Variants in MAN1C1 observed in about 807,000 individuals in gnomAD.
The protein encoded by MAN1C1 is mannosidase alpha class 1C member 1.
A neutral mutation model predicts 71.5 loss-of-function variants in MAN1C1; 49 were observed. The observed-to-expected ratio is 0.69, with a 90% CI of 0.54 to 0.87. The LOEUF is 0.87. MAN1C1 is among the 40% of genes least tolerant of loss of function. The probability of loss-of-function intolerance (pLI) is 0.00; values close to 1 mark genes in which losing one functional copy is unlikely to be tolerated. For missense variants in MAN1C1, 743 were observed against 835.0 expected, an observed-to-expected ratio of 0.89 and a Z score of 1.36; for synonymous variants, 352 against 343.7, an observed-to-expected ratio of 1.02 and a Z score of -0.27.
chr1:25,771,234 CT>C (rs1309740675), intron 7 of MAN1C1, among the ~76,000 whole-genome samples: 1 of 152,252 alleles, frequency 6.6e-6, no homozygotes, highest in East Asian at 1.9e-4. Flanking sequence ...TTTTCTTCCT[CT>C]TTCCCGTGGC....
intron 1 of MAN1C1, among the ~76,000 whole-genome samples, chr1:25,635,276 G>A (rs868112077): frequency 1.4e-4 from 21 of 150,794 alleles, no homozygotes; most frequent in African/African-American, 4.4e-4. Flanking sequence ...AAGTTTTTTT[G>A]GGGGGGGTTA....
At chr1:25,619,158 C>T (rs1315405779) in intron 1 of MAN1C1, among the ~76,000 whole-genome samples, 2 of 152,172 alleles carry the variant, frequency 1.3e-5, no homozygotes, top group Non-Finnish European at 2.9e-5. Context: ...TTGCCACTGC[C>T]ACTAAATATT....
chr1:25,729,883 C>G (rs1053321715), intron 2 of MAN1C1, among the ~76,000 whole-genome samples: 8 of 152,128 alleles, frequency 5.3e-5, no homozygotes, highest in Admixed American at 2.0e-4. Context: ...TGCAGAGTGG[C>G]AAAGTCAAAT....
intron 2 of MAN1C1, among the ~76,000 whole-genome samples, chr1:25,741,245 G>T (rs2047060488): frequency 6.6e-6 from 1 of 152,152 alleles, no homozygotes; most frequent in Admixed American, 6.5e-5. Context: ...CTCCCAGAGT[G>T]CTGGGATTAC....
intron 2 of MAN1C1, among the ~76,000 whole-genome samples, chr1:25,716,248 A>C (rs2046679127): frequency 6.6e-6 from 1 of 152,172 alleles, no homozygotes; most frequent in African/African-American, 2.4e-5. Flanking sequence ...TTGAAGGAGA[A>C]TGGATATTAG....
At chr1:25,752,167 G>A (rs931462747) in intron 4 of MAN1C1, among the ~76,000 whole-genome samples, 4 of 151,890 alleles carry the variant, frequency 2.6e-5, no homozygotes, top group African/African-American at 4.8e-5. Flanking sequence ...AGGTTGGCAC[G>A]GCACTTCACA....
Position 25,764,039 on chromosome 1 carries a change from G to C in MAN1C1, c.1141+72G>C. 2 of 1,286,318 alleles carry C rather than the reference G, an allele frequency of 1.6e-6. No homozygotes were observed. Among genetic ancestry groups the C allele is most frequent in the Non-Finnish European group, 2.3e-6 (2 of 886,770 alleles). The allele number at this position is 1,286,318 out of a possible 1,614,324, so 79.7% of individuals were successfully genotyped here. A position where few individuals can be genotyped will look rare whatever the true frequency, so the allele number is the denominator to read the frequency against. ...AGGCTTCCTAGGAAGACCCTGCCAG[G>C]CCCCTGGGCTGAGTGAGGATGTGTC... On this transcript the variant is annotated intron_variant, in intron 7 of 11. Coordinates refer to ENST00000374332, the MANE Select transcript of MAN1C1 (RefSeq NM_020379.4). This position sits in a 1 kb window ranked among gnomAD's most constrained non-coding sequence, Gnocchi z 4.4.
chr1:25,751,406 A>G (rs1158582366), intron 4 of MAN1C1, among the ~76,000 whole-genome samples: 1 of 151,612 alleles, frequency 6.6e-6, no homozygotes, highest in East Asian at 2.0e-4. Flanking sequence ...CTTCAAGGGC[A>G]TCTGTGGTTC....
At chr1:25,712,344 G>A (rs910090618) in intron 2 of MAN1C1, among the ~76,000 whole-genome samples, 2 of 152,160 alleles carry the variant, frequency 1.3e-5, no homozygotes, top group African/African-American at 4.8e-5. Context: ...TAAAGCCCCT[G>A]GGGAAGCCCC....
rs1361501220 is a variant in MAN1C1, at chr1:25,679,952, TATATA to T, written c.541-6487_541-6483del. 2.8e-3 allele frequency among the ~76,000 whole-genome samples: 269 copies of T among 96,702 alleles called. 4 individuals carry two copies. The highest frequency in any genetic ancestry group is 9.8e-3 in the African/African-American group (258 of 26,390). 63.4% of individuals were successfully genotyped at this position (96,702 alleles called of 152,430 possible). ...ACCTCTGTCTCAAAAAAAAAAAAAA[TATATA>T]TATATATATATATATATATATACAC... On this transcript the variant is annotated intron_variant, in intron 1 of 11. Coordinates refer to ENST00000374332, the MANE Select transcript of MAN1C1 (RefSeq NM_020379.4).
chr1:25,764,804 T>G lies in MAN1C1; in HGVS notation c.1141+837T>G, dbSNP rs557235003. On this transcript the variant is annotated intron_variant, in intron 7 of 11. Transcript: ENST00000374332. This position sits in a 1 kb window ranked among gnomAD's most constrained non-coding sequence, Gnocchi z 4.4. ...AAATCATGAATTCAGGCCAAGCACC[T>G]GACGGGAGGCCGAGGCAGGCGGATC... 2.6e-5 allele frequency among the ~76,000 whole-genome samples: 4 copies of G among 151,894 alleles called. No homozygotes were observed. The highest frequency in any genetic ancestry group is 5.9e-5 in the Non-Finnish European group (4 of 67,970).
At chr1:25,708,076 A>C (rs2046550043) in intron 2 of MAN1C1, among the ~76,000 whole-genome samples, 1 of 152,264 alleles carries the variant, frequency 6.6e-6, no homozygotes, top group South Asian at 2.1e-4. Flanking sequence ...GCGAGTCCAT[A>C]AAGTGAAAGT....
chr1:25,695,826 G>A (rs541691759), intron 2 of MAN1C1, among the ~76,000 whole-genome samples: 2 of 152,372 alleles, frequency 1.3e-5, no homozygotes, highest in East Asian at 1.9e-4. Flanking sequence ...GCCAGCAGCC[G>A]AGTGAGCCGG....
rs2280999 is a variant in MAN1C1 at position 25,782,063 on chromosome 1, C to G, written c.1651-522C>G. On this transcript the variant is annotated intron_variant, in intron 10 of 11. Transcript: ENST00000374332. The surrounding 1 kb of genome is among the most constrained non-coding windows in gnomAD (Gnocchi z 4.4). ...TCGCCCCACTGCCCTCCAGCCTGGG[C>G]GACAAAATGAGACCTTGTCTCAAGA... is the stretch of plus-strand genomic sequence containing the variant. Among the ~76,000 whole-genome samples, 2 of 151,104 alleles carry G rather than the reference C, an allele frequency of 1.3e-5. No homozygotes were observed. The highest frequency in any genetic ancestry group is 2.4e-5 in the African/African-American group (1 of 40,968).
chr1:25,702,464 C>G (rs1239664727), intron 2 of MAN1C1, among the ~76,000 whole-genome samples: 1 of 152,212 alleles, frequency 6.6e-6, no homozygotes, highest in South Asian at 2.1e-4. Context: ...CAAAGCCAGG[C>G]AGCTCCTCAG....
chr1:25,729,763 G>T (rs930657085), intron 2 of MAN1C1, among the ~76,000 whole-genome samples: 3 of 151,964 alleles, frequency 2.0e-5, no homozygotes, highest in Non-Finnish European at 2.9e-5. Flanking sequence ...GCCCACCTCG[G>T]TCTCCCAAAG....
In MAN1C1 at chr1:25,681,315, C is replaced by T. The variant is rs190244001; in HGVS notation, c.541-5125C>T. On this transcript the variant is annotated intron_variant, in intron 1 of 11. Transcript: ENST00000374332. Reference sequence around the variant, plus strand: ...AAGGAAACAGTGGATGGGGACAACCCGGAGGAAACCAGGTGCAGGCTTCCA... The same window carrying T: ...AAGGAAACAGTGGATGGGGACAACCTGGAGGAAACCAGGTGCAGGCTTCCA... Among the ~76,000 whole-genome samples the T allele has an allele frequency of 2.4e-4, 37 of 152,166 alleles. 1 individual carries two copies. The highest frequency in any genetic ancestry group is 8.7e-4 in the African/African-American group (36 of 41,508).
At chr1:25,714,013 T>C (rs1436727234) in intron 2 of MAN1C1, among the ~76,000 whole-genome samples, 1 of 152,108 alleles carries the variant, frequency 6.6e-6, no homozygotes, top group Non-Finnish European at 1.5e-5. Flanking sequence ...GGGAAAAAAA[T>C]GTTGGTGGCT....
intron 1 of MAN1C1, among the ~76,000 whole-genome samples, chr1:25,668,173 A>T (rs1209932981): frequency 2.0e-5 from 3 of 152,176 alleles, no homozygotes; most frequent in Admixed American, 2.0e-4. Flanking sequence ...TAAATGGGAA[A>T]CGAGGTGCAT....
Sources: gnomAD v4.1 joint callset for allele counts (sites outside exome capture counted in the v4.1 genomes callset) on GRCh38, gnomAD v4.1.1 for gene constraint, Gnocchi (gnomAD v3.1) non-coding constraint, MANE v1.5 for transcripts, NCBI Gene and HGNC (gene_info 2026-07-23, HGNC 2026-07-21) for gene names.